SH3BP4: variants seen among roughly 807,000 people sequenced by gnomAD.
SH3BP4 encodes SH3 domain-binding protein 4.
SH3BP4 carries 33 observed loss-of-function variants against 65.5 expected under a neutral mutation model. That is an observed-to-expected ratio of 0.50 (90% CI 0.38 to 0.67). SH3BP4 has a LOEUF of 0.67. Ranked by LOEUF, SH3BP4 falls within the 30% of genes least tolerant of loss-of-function variation. SH3BP4 has a pLI of 0.00. For missense variants in SH3BP4, 1,134 were observed against 1,261.4 expected (o/e 0.90, Z 1.53); for synonymous variants, 552 against 545.5 (o/e 1.01, Z -0.17).
chr2:235,042,098 C>T lies in SH3BP4; in HGVS notation c.1329C>T (p.His443=). 1.2e-6 allele frequency: 2 copies of T among 1,614,012 alleles called. No individual in the cohort carries two copies. Among genetic ancestry groups the T allele is most frequent in the African/African-American group, 2.7e-5 (2 of 75,046 alleles). Reference sequence around the variant, plus strand: ...GGGACACGGTCCAGGCACAGCTGCACAACCTGGAGCCCTGTATGTACGTGG... The same window carrying T: ...GGGACACGGTCCAGGCACAGCTGCATAACCTGGAGCCCTGTATGTACGTGG... ...SCGDTVQAQL[H]NLEPCMYVAV... is the part of the protein sequence containing the mutation. The change falls in exon 4 of 6, where the codon CAC becomes CAT. Residue 443 remains histidine (H), a synonymous_variant. Coordinates refer to ENST00000392011, the MANE Select transcript of SH3BP4 (RefSeq NM_014521.3). This position sits in a 1 kb window ranked among gnomAD's most constrained non-coding sequence, Gnocchi z 7.3.
Position 234,967,720 on chromosome 2 carries a change from C to A in SH3BP4, c.-207+15550C>A, listed in dbSNP as rs1274925335. On this transcript the variant is annotated intron_variant, in intron 1 of 5. Coordinates refer to ENST00000392011, the MANE Select transcript of SH3BP4 (RefSeq NM_014521.3). This position sits in a 1 kb window ranked among gnomAD's most constrained non-coding sequence, Gnocchi z 4.6. ...GACAGGTGTCACTGAAGCCCCTCAC[C>A]CAGTGACCCAGTGATGCTGAGTCCC... 6.6e-6 allele frequency among the ~76,000 whole-genome samples: 1 copy of A among 152,188 alleles called. No homozygotes were observed. The highest frequency in any genetic ancestry group is 1.5e-5 in the Non-Finnish European group (1 of 68,034).
chr2:234,956,666 TC>T (rs1692596042), intron 1 of SH3BP4, among the ~76,000 whole-genome samples: 2 of 151,800 alleles, frequency 1.3e-5, no homozygotes, highest in South Asian at 4.2e-4. Flanking sequence ...CAATCCTTCT[TC>T]CTCAGCCTCC....
In SH3BP4 at chr2:235,053,913, G is replaced by T; in HGVS notation, c.*97G>T. ...GGAGCTGAAGAGGGAGGAAGGGGCG[G>T]CTGCTCAGACAGATTTAGGGCCCGC... On this transcript the variant is annotated 3_prime_UTR_variant, in exon 6 of 6. Coordinates refer to ENST00000392011, the MANE Select transcript of SH3BP4 (RefSeq NM_014521.3). 2 of 999,880 alleles carry T rather than the reference G, an allele frequency of 2.0e-6. No individual in the cohort carries two copies. The highest frequency in any genetic ancestry group is 4.0e-5 in the Admixed American group (2 of 50,360). 61.9% of individuals were successfully genotyped at this position (999,880 alleles called of 1,614,324 possible).
At chr2:234,982,633 G>C (rs1274027078) in intron 1 of SH3BP4, among the ~76,000 whole-genome samples, 1 of 152,154 alleles carries the variant, frequency 6.6e-6, no homozygotes, top group Non-Finnish European at 1.5e-5. Context: ...CTCAGTGTGG[G>C]GCTTGAGGGA....
At chr2:235,038,520 T>A (rs1695533235) in intron 3 of SH3BP4, among the ~76,000 whole-genome samples, 1 of 147,826 alleles carries the variant, frequency 6.8e-6, no homozygotes, top group African/African-American at 2.5e-5. Flanking sequence ...ATATGTTATA[T>A]GTATATTACA....
At chr2:235,009,823 C>T (rs1025944434) in intron 2 of SH3BP4, among the ~76,000 whole-genome samples, 9 of 152,108 alleles carry the variant, frequency 5.9e-5, no homozygotes, top group Non-Finnish European at 5.9e-5. Flanking sequence ...TTTCTCCATG[C>T]TGCCCACATT....
At chr2:234,989,948 C>T (rs1647145923) in intron 1 of SH3BP4, among the ~76,000 whole-genome samples, 1 of 152,116 alleles carries the variant, frequency 6.6e-6, no homozygotes, top group Non-Finnish European at 1.5e-5. Flanking sequence ...TCAGCACCAA[C>T]GTGATGCCAC....
intron 2 of SH3BP4, among the ~76,000 whole-genome samples, chr2:235,000,275 C>T (rs770359307): frequency 3.3e-5 from 5 of 152,206 alleles, no homozygotes; most frequent in Non-Finnish European, 5.9e-5. Flanking sequence ...CCTCTCTGGG[C>T]CTCACTTCTC....
intron 2 of SH3BP4, among the ~76,000 whole-genome samples, chr2:235,014,573 C>CAAG (rs1328818519): frequency 1.3e-5 from 2 of 152,184 alleles, no homozygotes; most frequent in Non-Finnish European, 2.9e-5. Context: ...TGTCCACAAT[C>CAAG]AAGTGTCAGC....
chr2:235,049,770 A>T (rs1695984789), intron 4 of SH3BP4, among the ~76,000 whole-genome samples: 1 of 152,186 alleles, frequency 6.6e-6, no homozygotes, highest in Admixed American at 6.5e-5. Flanking sequence ...TCCCAATTCC[A>T]TGTGGGGCTC....
intron 4 of SH3BP4, among the ~76,000 whole-genome samples, chr2:235,047,790 C>G (rs1029797841): frequency 2.6e-5 from 4 of 152,064 alleles, no homozygotes; most frequent in African/African-American, 9.7e-5. Context: ...GACCTGGAGC[C>G]GTCGGTGATG....
At position 235,038,380 on chromosome 2, in the gene SH3BP4, T is replaced by C. The variant is rs1182024775; in HGVS notation, c.119-2508T>C. ...TATATATATATAATATATATACATA[T>C]ATATATATATATATATATATATATA... On this transcript the variant is annotated intron_variant, in intron 3 of 5. Transcript: ENST00000392011. 1.4e-3 allele frequency among the ~76,000 whole-genome samples: 10 copies of C among 7,348 alleles called. 1 individual carries two copies. The highest frequency in any genetic ancestry group is 1.6e-3 in the Non-Finnish European group (8 of 4,946). 4.8% of individuals were successfully genotyped at this position (7,348 alleles called of 152,430 possible).
chr2:235,003,340 G>C (rs7583455), intron 2 of SH3BP4, among the ~76,000 whole-genome samples: 82,229 of 152,180 alleles, frequency 0.54, 25,002 homozygotes, highest in African/African-American at 0.81. Context: ...TCCTACAAAC[G>C]CAGGCCACTG....
chr2:234,980,053 GC>G (rs2106255682), intron 1 of SH3BP4, among the ~76,000 whole-genome samples: 2 of 152,356 alleles, frequency 1.3e-5, no homozygotes, highest in African/African-American at 4.8e-5. Flanking sequence ...ACATAGTCTT[GC>G]AAGAGTTCGT....
chr2:235,027,396 G>C (rs1038966289), intron 2 of SH3BP4, among the ~76,000 whole-genome samples: 1 of 144,048 alleles, frequency 6.9e-6, no homozygotes, highest in Non-Finnish European at 1.5e-5. Context: ...TCCAAAGCTC[G>C]GGGTGCTGGG....
At chr2:234,958,551 A>G (rs1692637189) in intron 1 of SH3BP4, among the ~76,000 whole-genome samples, 1 of 152,072 alleles carries the variant, frequency 6.6e-6, no homozygotes, top group Admixed American at 6.5e-5. Flanking sequence ...GGGAACCTAG[A>G]GTGAAGAGCA....
chr2:234,953,930 G>T (rs1240710328), intron 1 of SH3BP4, among the ~76,000 whole-genome samples: 1 of 151,800 alleles, frequency 6.6e-6, no homozygotes, highest in African/African-American at 2.4e-5. Flanking sequence ...CTTGTAGGCG[G>T]ATTTCTTAAA....
At chr2:235,051,432 G>A (rs1696050090) in intron 4 of SH3BP4, among the ~76,000 whole-genome samples, 1 of 152,184 alleles carries the variant, frequency 6.6e-6, no homozygotes, top group African/African-American at 2.4e-5. Flanking sequence ...AGGGAATTGA[G>A]TCCCAAGGCG....
At chr2:235,038,319 T>TTA (rs1189685749) in intron 3 of SH3BP4, among the ~76,000 whole-genome samples, 2 of 10,034 alleles carry the variant, frequency 2.0e-4, no homozygotes, top group Non-Finnish European at 2.7e-4. Flanking sequence ...ATATTATATA[T>TTA]TATATATATA....
Sources: allele counts gnomAD v4.1 joint callset (sites outside exome capture counted in the v4.1 genomes callset), GRCh38; gene constraint gnomAD v4.1.1; non-coding constraint Gnocchi (gnomAD v3.1); transcripts MANE v1.5; gene names NCBI Gene and HGNC (gene_info 2026-07-23, HGNC 2026-07-21).